Variants in CREBRF observed in about 807,000 individuals in gnomAD.
CREBRF encodes the protein UPF0474 protein C5orf41.
In CREBRF, 5 loss-of-function variants were observed where a neutral mutation model predicts 66.1. That is an observed-to-expected ratio of 0.08 (90% CI 0.04 to 0.16). CREBRF has a LOEUF of 0.16. CREBRF is among the 10% of genes least tolerant of loss of function. CREBRF has a pLI of 1.00. For missense variants in CREBRF, 531 were observed against 744.9 expected (o/e 0.71, Z 3.34); for synonymous variants, 229 against 264.4 (o/e 0.87, Z 1.30).
At chr5:173,065,880 A>C (rs1757421580) in intron 1 of CREBRF, among the ~76,000 whole-genome samples, 1 of 151,296 alleles carries the variant, frequency 6.6e-6, no homozygotes, top group Admixed American at 6.6e-5. Flanking sequence ...CAAGCCACCC[A>C]CCCACCTTGG....
chr5:173,131,379 T>C (rs1214876668), intron 8 of CREBRF, among the ~76,000 whole-genome samples: 1 of 152,204 alleles, frequency 6.6e-6, no homozygotes, highest in Non-Finnish European at 1.5e-5. Flanking sequence ...GTCTCAATAA[T>C]GTCCATTATA....
chr5:173,117,622 ACTCC>A (rs759267241), intron 7 of CREBRF, among the ~76,000 whole-genome samples: 5 of 20,244 alleles, frequency 2.5e-4, no homozygotes, highest in African/African-American at 7.3e-4. Context: ...TCCCTCCCTC[ACTCC>A]CTCCCTCCCT....
chr5:173,098,856 T>A (rs558251732), intron 4 of CREBRF, among the ~76,000 whole-genome samples: 1 of 151,910 alleles, frequency 6.6e-6, no homozygotes, highest in African/African-American at 2.4e-5. Flanking sequence ...TTCTTTGTCT[T>A]GTGATAGTTG....
chr5:173,082,313 G>A (rs2113711777), intron 2 of CREBRF, among the ~76,000 whole-genome samples: 1 of 151,938 alleles, frequency 6.6e-6, no homozygotes, highest in East Asian at 1.9e-4. Flanking sequence ...GTGCCTGGCC[G>A]AGGTTTAGTT....
Position 173,135,831 on chromosome 5 carries a change from C to T in CREBRF, c.*2086C>T, listed in dbSNP as rs547641481. On this transcript the variant is annotated 3_prime_UTR_variant, in exon 9 of 9. Transcript: ENST00000296953. ...ATCCAAGGAGGATTGTAAGGATTGT[C>T]TTACCACCTTAGCTGAACTGTGATG... 1 of 152,530 alleles carries T rather than the reference C, an allele frequency of 6.6e-6. No individual in the cohort carries two copies. The highest frequency in any genetic ancestry group is 3.4e-3 in the Middle Eastern group (1 of 294). 9.4% of individuals were successfully genotyped at this position (152,530 alleles called of 1,614,324 possible). A position where few individuals can be genotyped will look rare whatever the true frequency, so the allele number is the denominator to read the frequency against.
chr5:173,084,573 A>G (rs1389219309), intron 2 of CREBRF, among the ~76,000 whole-genome samples: 1 of 152,246 alleles, frequency 6.6e-6, no homozygotes, highest in Non-Finnish European at 1.5e-5. Flanking sequence ...GCCTTGTCCC[A>G]CACAAGTGCA....
At position 173,091,245 on chromosome 5, in the gene CREBRF, G is replaced by A. The variant is rs1003507482; in HGVS notation, c.1066G>A (p.Glu356Lys). The stretch of plus-strand genomic sequence containing the variant: ...ACAGCCAACTAAATGCAGTCCTGAA[G>A]AAGATGAGGAGGACGAGGAGGATGT... ...GEQPTKCSPE[E>K]DEEDEEDVDD... Residue 356 changes from glutamate (E) to lysine (K), a missense_variant, in exon 4 of 9, where the codon GAA (glutamate) becomes AAA (lysine). Physicochemically the swap from Glu to Lys is moderately conservative, Grantham distance 56 (BLOSUM62 1). Coordinates refer to ENST00000296953, the MANE Select transcript of CREBRF (RefSeq NM_153607.3). 5 of 1,614,042 alleles carry A rather than the reference G, an allele frequency of 3.1e-6. No individual in the cohort carries two copies. The African/African-American group carries it at 5.3e-5, about 17-fold the overall frequency.
intron 1 of CREBRF, among the ~76,000 whole-genome samples, chr5:173,070,571 T>G (rs1159210389): frequency 6.6e-6 from 1 of 152,090 alleles, no homozygotes; most frequent in Non-Finnish European, 1.5e-5. Flanking sequence ...TTCAGTTGAT[T>G]TAAATTAAAT....
At chr5:173,061,052 C>T (rs553691224) in intron 1 of CREBRF, among the ~76,000 whole-genome samples, 2 of 152,254 alleles carry the variant, frequency 1.3e-5, no homozygotes, top group South Asian at 4.1e-4. Flanking sequence ...ACTGCAACCT[C>T]CGCCTCCCGG....
intron 7 of CREBRF, among the ~76,000 whole-genome samples, chr5:173,122,725 T>G (rs1223622428): frequency 1.4e-5 from 2 of 142,958 alleles, no homozygotes; most frequent in African/African-American, 5.1e-5. Flanking sequence ...ATTAGGTATA[T>G]CTCCTAATGC....
At chr5:173,093,650 A>G (rs1175741554) in intron 4 of CREBRF, among the ~76,000 whole-genome samples, 1 of 152,114 alleles carries the variant, frequency 6.6e-6, no homozygotes, top group East Asian at 1.9e-4. Flanking sequence ...CCAAGTAGCT[A>G]GGACCACAGG....
At chr5:173,087,305 G>A (rs570526040) in intron 3 of CREBRF, among the ~76,000 whole-genome samples, 13 of 152,072 alleles carry the variant, frequency 8.5e-5, no homozygotes, top group Admixed American at 8.5e-4. Flanking sequence ...CAGGTCTTGA[G>A]CTCCCGACCT....
chr5:173,085,503 G>A (rs531202778), intron 2 of CREBRF: 15 of 538,690 alleles, frequency 2.8e-5, no homozygotes, highest in South Asian at 4.5e-5. Context: ...TGCAACCTTC[G>A]CCTCCCAGGT....
intron 7 of CREBRF, among the ~76,000 whole-genome samples, chr5:173,116,715 A>G (rs1758998901): frequency 6.6e-6 from 1 of 150,896 alleles, no homozygotes; most frequent in African/African-American, 2.4e-5. Context: ...GGGTAGACAT[A>G]TGTTTTAATT....
intron 1 of CREBRF, among the ~76,000 whole-genome samples, chr5:173,077,058 C>A (rs930965630): frequency 1.3e-5 from 2 of 151,810 alleles, no homozygotes; most frequent in Non-Finnish European, 2.9e-5. Flanking sequence ...ATTCTCCTGC[C>A]TCAGCCTCCT....
intron 8 of CREBRF, among the ~76,000 whole-genome samples, chr5:173,124,882 T>C (rs1437955569): frequency 6.6e-6 from 1 of 151,384 alleles, no homozygotes; most frequent in Non-Finnish European, 1.5e-5. Flanking sequence ...TTTTCTCTTT[T>C]CTTCTTCTTT....
rs765854306 is a variant in CREBRF at position 173,090,920 on chromosome 5, G to C, written c.741G>C (p.Gln247His). The change falls in exon 4 of 9, where the codon CAG (glutamine) becomes CAC (histidine). Residue 247 changes from glutamine (Q) to histidine (H), a missense_variant. By Grantham distance (24) the Gln-to-His change is conservative. Around this residue, in one of 5 missense-constraint regions of CREBRF, gnomAD observed 309 missense variants for 341.4 expected, o/e 0.90. Coordinates refer to ENST00000296953, the MANE Select transcript of CREBRF (RefSeq NM_153607.3). This position sits in a 1 kb window ranked among gnomAD's most constrained non-coding sequence, Gnocchi z 4.5. ...KAKVKINPVQ[Q>H]SRPLLSQIHT... ...AGGTAAAGATCAACCCAGTGCAACA[G>C]AGCCGGCCCTTGTTGAGCCAGATTC... 1.9e-6 allele frequency: 3 copies of C among 1,614,224 alleles called. 1 individual carries two copies. In the South Asian group the frequency reaches 3.3e-5, roughly 18 times the overall value.
intron 1 of CREBRF, among the ~76,000 whole-genome samples, chr5:173,079,561 A>G (rs1206068463): frequency 2.0e-5 from 3 of 152,112 alleles, no homozygotes; most frequent in Non-Finnish European, 2.9e-5. Context: ...TTCAGTGTAA[A>G]TTGACTGTTT....
At chr5:173,089,059 ATC>A (rs1227958090) in intron 3 of CREBRF, among the ~76,000 whole-genome samples, 1 of 151,784 alleles carries the variant, frequency 6.6e-6, no homozygotes, top group Non-Finnish European at 1.5e-5. Flanking sequence ...CGTGCCTGTA[ATC>A]TCAGCAATTC....
Sources: allele counts gnomAD v4.1 joint callset (sites outside exome capture counted in the v4.1 genomes callset), GRCh38; gene constraint gnomAD v4.1.1; regional missense constraint gnomAD v4.1.1; non-coding constraint Gnocchi (gnomAD v3.1); transcripts MANE v1.5; gene names NCBI Gene and HGNC (gene_info 2026-07-23, HGNC 2026-07-21).